The following SUGCT variants were observed in gnomAD, a reference collection of about 807,000 sequenced individuals.
SUGCT encodes succinyl-CoA:glutarate-CoA transferase, also known as succinyl-CoA:glutarate CoA-transferase.
A neutral mutation model predicts 55.0 loss-of-function variants in SUGCT; 41 were observed. That is an observed-to-expected ratio of 0.74 (90% CI 0.58 to 0.97). The LOEUF (loss-of-function observed/expected upper bound fraction) is 0.97, where lower values mean the gene tolerates loss of function less well. Ranked by LOEUF, SUGCT falls within the 50% of genes least tolerant of loss-of-function variation. The probability of loss-of-function intolerance (pLI) is 0.00; values close to 1 mark genes in which losing one functional copy is unlikely to be tolerated. For synonymous variants in SUGCT, 187 were observed against 200.4 expected, an observed-to-expected ratio of 0.93 and a Z score of 0.56; for missense variants, 568 against 547.8, an observed-to-expected ratio of 1.04 and a Z score of -0.37.
At chr7:40,896,031 T>C in the SUGCT span, among the ~76,000 whole-genome samples, 1 of 152,108 alleles carries the variant, frequency 6.6e-6, no homozygotes, top group Non-Finnish European at 1.5e-5. Context: ...ATTACAGGGA[T>C]CCAAATTTGG....
rs112445706 is a variant in SUGCT at position 40,745,806 on chromosome 7, C to A, written c.1090-3628C>A. ...TTCCCTGCCTTATATTGAAATAACT[C>A]AATATGCAACAAAGAATGCCCTGAA... On this transcript the variant is annotated intron_variant, in intron 12 of 13. Coordinates refer to ENST00000335693, the MANE Select transcript of SUGCT (RefSeq NM_001193313.2). Among the ~76,000 whole-genome samples, 694 of 152,300 alleles carry A rather than the reference C, an allele frequency of 4.6e-3. 6 individuals are homozygous for A. The highest frequency in any genetic ancestry group is 0.015 in the African/African-American group (640 of 41,560).
At chr7:40,652,211 T>C (rs1322117872) in intron 12 of SUGCT, among the ~76,000 whole-genome samples, 1 of 152,216 alleles carries the variant, frequency 6.6e-6, no homozygotes, top group Non-Finnish European at 1.5e-5. Context: ...TTTCAGTAAA[T>C]AAGGAAGCTA....
intron 7 of SUGCT, among the ~76,000 whole-genome samples, 195 bp from the exon 8 acceptor site, chr7:40,274,318 T>C (rs1335973420): frequency 6.6e-6 from 1 of 152,150 alleles, no homozygotes; most frequent in East Asian, 1.9e-4. Flanking sequence ...GAGAAGTATA[T>C]AGTAAATATA....
At chr7:40,318,388 G>T (rs966304324) in intron 9 of SUGCT, among the ~76,000 whole-genome samples, 1 of 152,004 alleles carries the variant, frequency 6.6e-6, no homozygotes, top group Non-Finnish European at 1.5e-5. Context: ...AACAATGTTG[G>T]AATCTATGGG....
chr7:40,242,924 TA>T (rs1562605008), intron 7 of SUGCT, among the ~76,000 whole-genome samples: 11 of 31,744 alleles, frequency 3.5e-4, no homozygotes, highest in East Asian at 1.1e-3. Context: ...TATATATATA[TA>T]TATATATATT....
At chr7:40,633,327 C>A (rs1251546127) in intron 12 of SUGCT, among the ~76,000 whole-genome samples, 2 of 152,118 alleles carry the variant, frequency 1.3e-5, no homozygotes, top group Non-Finnish European at 2.9e-5. Flanking sequence ...AAGAACATTT[C>A]TCCTTCATTT....
intron 13 of SUGCT, among the ~76,000 whole-genome samples, chr7:40,812,522 A>C (rs922151232): frequency 2.0e-5 from 3 of 152,100 alleles, no homozygotes; most frequent in African/African-American, 7.2e-5. Context: ...AGAGGTGTGC[A>C]TATTAGTCTC....
At chr7:40,474,319 G>A (rs1355721978) in intron 11 of SUGCT, among the ~76,000 whole-genome samples, 1 of 152,076 alleles carries the variant, frequency 6.6e-6, no homozygotes, top group Non-Finnish European at 1.5e-5. Context: ...GGGGGGCAGA[G>A]GGGCAGGGAA....
chr7:40,545,584 C>T (rs1794944206), intron 12 of SUGCT, among the ~76,000 whole-genome samples: 1 of 152,038 alleles, frequency 6.6e-6, no homozygotes, highest in Non-Finnish European at 1.5e-5. Flanking sequence ...GCTGTTAGAT[C>T]CAGTTTTCAT....
intron 7 of SUGCT, among the ~76,000 whole-genome samples, chr7:40,252,729 C>T (rs1185851125): frequency 6.6e-6 from 1 of 151,440 alleles, no homozygotes; most frequent in Non-Finnish European, 1.5e-5. Context: ...CTTACTGCAG[C>T]CTCAAACTCC....
chr7:40,388,862 G>A (rs143057123), intron 9 of SUGCT, among the ~76,000 whole-genome samples: 3,221 of 152,124 alleles, frequency 0.021, 56 homozygotes, highest in Non-Finnish European at 0.03. Context: ...AGATATAAGG[G>A]ATCTTGTTTT....
chr7:40,648,929 T>C (rs2151836238), intron 12 of SUGCT, among the ~76,000 whole-genome samples: 1 of 152,284 alleles, frequency 6.6e-6, no homozygotes, highest in East Asian at 1.9e-4. Flanking sequence ...TTGAGGCAAT[T>C]TGTTACAGCA....
At chr7:40,809,374 A>T (rs1180598087) in intron 13 of SUGCT, among the ~76,000 whole-genome samples, 2 of 152,212 alleles carry the variant, frequency 1.3e-5, no homozygotes, top group African/African-American at 4.8e-5. Context: ...GGGCAAATCA[A>T]AATGGGCAAT....
At chr7:40,256,641 C>T (rs1308553727) in intron 7 of SUGCT, among the ~76,000 whole-genome samples, 1 of 152,132 alleles carries the variant, frequency 6.6e-6, no homozygotes, top group Non-Finnish European at 1.5e-5. Context: ...TGAGGATTCT[C>T]AATGGTCAGT....
intron 13 of SUGCT, among the ~76,000 whole-genome samples, chr7:40,801,076 T>G (rs1192108378): frequency 6.6e-6 from 1 of 152,180 alleles, no homozygotes; most frequent in Admixed American, 6.5e-5. Flanking sequence ...CAGATCAACT[T>G]GTTCACACAG....
At position 40,135,124 on chromosome 7, in the gene SUGCT, C is replaced by T; in HGVS notation, c.100+4C>T. On this transcript the variant is annotated splice_donor_region_variant and intron_variant, in intron 1 of 13. Transcript: ENST00000335693. Reference sequence around the variant, plus strand: ...TGGACTGGCCGCCCGCAGTCAGGTACCCTCCGAGATTCGGTCTGGGTGGCT... The same window carrying T: ...TGGACTGGCCGCCCGCAGTCAGGTATCCTCCGAGATTCGGTCTGGGTGGCT... The T allele has an allele frequency of 6.5e-7, 1 of 1,550,374 alleles. No homozygotes were observed. Among genetic ancestry groups the T allele is most frequent in the Non-Finnish European group, 8.7e-7 (1 of 1,147,956 alleles).
the SUGCT span, among the ~76,000 whole-genome samples, chr7:40,997,235 C>G: frequency 2.0e-4 from 31 of 152,316 alleles, no homozygotes; most frequent in African/African-American, 7.2e-4. Context: ...CCTACACATC[C>G]ATTAGCCACG....
intron 1 of SUGCT, among the ~76,000 whole-genome samples, chr7:40,148,366 C>G (rs777933732): frequency 1.3e-5 from 2 of 152,074 alleles, no homozygotes; most frequent in Non-Finnish European, 1.5e-5. Context: ...AAAACCTGGC[C>G]GGGCGCGGTG....
intron 3 of SUGCT, among the ~76,000 whole-genome samples, chr7:40,185,549 T>C (rs991359837): frequency 6.6e-6 from 1 of 152,166 alleles, no homozygotes; most frequent in Non-Finnish European, 1.5e-5. Context: ...GAGACAGACT[T>C]TTCGCTCTTC....
Sources: gnomAD v4.1 joint callset for allele counts (sites outside exome capture counted in the v4.1 genomes callset) on GRCh38, gnomAD v4.1.1 for gene constraint, MANE v1.5 for transcripts, NCBI Gene and HGNC (gene_info 2026-07-23, HGNC 2026-07-21) for gene names.